Variants in GLI2 observed in about 807,000 individuals in gnomAD.
GLI2 encodes transcription activator GLI2.
A neutral mutation model predicts 78.9 loss-of-function variants in GLI2; 22 were observed. That is an observed-to-expected ratio of 0.28 (90% CI 0.20 to 0.40). GLI2 has a LOEUF of 0.40. GLI2 is among the 10% of genes least tolerant of loss of function. The probability of loss-of-function intolerance (pLI) is 1.00; values close to 1 mark genes in which losing one functional copy is unlikely to be tolerated. For missense variants in GLI2, 2,097 were observed against 2,213.2 expected, an observed-to-expected ratio of 0.95 and a Z score of 1.05; for synonymous variants, 974 against 963.7, an observed-to-expected ratio of 1.01 and a Z score of -0.20.
At chr2:120,853,956 C>CCTTT (rs1247611384) in intron 2 of GLI2, among the ~76,000 whole-genome samples, 1 of 151,854 alleles carries the variant, frequency 6.6e-6, no homozygotes, top group Admixed American at 6.5e-5. Context: ...ACAGGCACTT[C>CCTTT]CTGTCCATGG....
At position 120,989,958 on chromosome 2, in the gene GLI2, G is replaced by C. The variant is rs754251258; in HGVS notation, c.3993G>C (p.Gln1331His). The change falls in exon 14 of 14, where the codon CAG becomes CAC. Residue 1331 changes from glutamine to histidine, a missense_variant. Physicochemically the swap from Gln to His is conservative, Grantham distance 24 (BLOSUM62 0). Transcript: ENST00000361492. ...TCCCCAGCCTTCTGCCTGCCCGCCA[G>C]CCTGGCTTCATGGAGCCCCAAACAG... ...HQVPSLLPAR[Q>H]PGFMEPQTGP... is the part of the protein sequence containing the mutation. 7.4e-6 allele frequency: 12 copies of C among 1,611,142 alleles called. No homozygotes were observed. Among genetic ancestry groups the C allele is most frequent in the African/African-American group, 1.3e-5 (1 of 74,926 alleles).
chr2:120,741,639 C>G (rs1682546673), intron 1 of GLI2, among the ~76,000 whole-genome samples: 1 of 152,074 alleles, frequency 6.6e-6, no homozygotes, highest in Non-Finnish European at 1.5e-5. Flanking sequence ...GCCGTCTGGA[C>G]CTTCCTCTCC....
At chr2:120,976,128 G>A (rs898459611) in intron 9 of GLI2, among the ~76,000 whole-genome samples, 4 of 152,110 alleles carry the variant, frequency 2.6e-5, no homozygotes, top group African/African-American at 9.7e-5. Context: ...CTATAAAGAT[G>A]AACCCACTAA....
chr2:120,969,041 A>G (rs1682008428), intron 6 of GLI2, 126 bp downstream of exon 6: 1 of 716,166 alleles, frequency 1.4e-6, no homozygotes, highest in Non-Finnish European at 2.5e-6. Flanking sequence ...GCATTTGTGA[A>G]TCCACATACT....
chr2:120,887,648 C>T (rs942994331), intron 2 of GLI2, among the ~76,000 whole-genome samples: 7 of 152,326 alleles, frequency 4.6e-5, no homozygotes, highest in Middle Eastern at 3.4e-3. Context: ...TTGTTGGAAG[C>T]GCCCTTCTCC....
chr2:120,948,389 C>A (rs970110505), intron 3 of GLI2, among the ~76,000 whole-genome samples: 2 of 152,126 alleles, frequency 1.3e-5, no homozygotes, highest in African/African-American at 4.8e-5. Flanking sequence ...CCTGGGCTAC[C>A]CCTGGGCTCC....
chr2:120,840,802 G>T (rs951324073), intron 2 of GLI2, among the ~76,000 whole-genome samples: 3 of 152,162 alleles, frequency 2.0e-5, no homozygotes, highest in Admixed American at 6.5e-5. Context: ...GCCTTTGCAC[G>T]TGGGGGTCTC....
At chr2:120,775,237 T>C (rs895593595) in intron 1 of GLI2, among the ~76,000 whole-genome samples, 1 of 152,228 alleles carries the variant, frequency 6.6e-6, no homozygotes, top group Non-Finnish European at 1.5e-5. Context: ...ATTGAAGCTG[T>C]GGCAATTAAA....
Position 120,951,343 on chromosome 2 carries a change from C to T in GLI2, c.355C>T (p.His119Tyr). ...TGGGGAGTCCCCCTTCAACGCCCCC[C>T]ACCCGTACGTGAACCCCCACATGGA... ...GPGESPFNAP[H>Y]PYVNPHMEHY... Residue 119 changes from histidine to tyrosine, a missense_variant, in exon 4 of 14, where the codon CAC becomes TAC. Physicochemically the swap from His to Tyr is moderately conservative, Grantham distance 83. This residue lies in a region of GLI2 where 578 missense variants were observed against 612.0 expected (regional missense o/e 0.94). Transcript: ENST00000361492. 1 of 1,584,736 alleles carries T rather than the reference C, an allele frequency of 6.3e-7. No individual in the cohort carries two copies. The highest frequency in any genetic ancestry group is 8.7e-7 in the Non-Finnish European group (1 of 1,153,268).
At chr2:120,805,342 T>C (rs751240548) in intron 2 of GLI2, among the ~76,000 whole-genome samples, 72 of 152,336 alleles carry the variant, frequency 4.7e-4, no homozygotes, top group Non-Finnish European at 9.0e-4. Flanking sequence ...TTCTGGCTGG[T>C]TCCTATAAGC....
intron 2 of GLI2, among the ~76,000 whole-genome samples, chr2:120,884,481 C>T (rs568405453): frequency 5.9e-5 from 9 of 152,330 alleles, no homozygotes; most frequent in South Asian, 2.1e-4. Flanking sequence ...CATTGCCCAG[C>T]ATTGAGCCGT....
At chr2:120,933,840 A>AGCCAT (rs1680059386) in intron 3 of GLI2, among the ~76,000 whole-genome samples, 1 of 137,790 alleles carries the variant, frequency 7.3e-6, no homozygotes, top group Non-Finnish European at 1.6e-5. Flanking sequence ...GGACCTTTCC[A>AGCCAT]GCCCTGCCCT....
chr2:120,789,845 A>T (rs914507627), intron 1 of GLI2, among the ~76,000 whole-genome samples: 3 of 152,202 alleles, frequency 2.0e-5, no homozygotes, highest in Non-Finnish European at 2.9e-5. Context: ...GAGCTTACTT[A>T]TCCTCTCTGG....
intron 11 of GLI2, among the ~76,000 whole-genome samples, chr2:120,983,815 G>C (rs370176688): frequency 6.6e-6 from 1 of 152,206 alleles, no homozygotes; most frequent in Non-Finnish European, 1.5e-5. Flanking sequence ...TAAGAAGTTA[G>C]AGGAATTTTC....
At chr2:120,949,702 T>G (rs955789708) in intron 3 of GLI2, among the ~76,000 whole-genome samples, 1 of 152,152 alleles carries the variant, frequency 6.6e-6, no homozygotes, top group East Asian at 1.9e-4. Context: ...GGGATCTACA[T>G]GAGCAGGGCA....
chr2:120,747,313 C>T (rs1682723469), intron 1 of GLI2, among the ~76,000 whole-genome samples: 1 of 152,206 alleles, frequency 6.6e-6, no homozygotes, highest in Non-Finnish European at 1.5e-5. Context: ...ACACAAGCCA[C>T]TTGCAAAATA....
chr2:120,962,009 G>A (rs1230474929), intron 5 of GLI2, among the ~76,000 whole-genome samples: 1 of 152,088 alleles, frequency 6.6e-6, no homozygotes, highest in East Asian at 1.9e-4. Context: ...CCAGGCTCCT[G>A]GGCACACAGG....
At chr2:120,765,417 G>A (rs1683337360) in intron 1 of GLI2, among the ~76,000 whole-genome samples, 2 of 152,250 alleles carry the variant, frequency 1.3e-5, no homozygotes, top group Non-Finnish European at 2.9e-5. Context: ...TGGCTAAAGA[G>A]CGATCAACCC....
At position 120,737,505 on chromosome 2, in the gene GLI2, C is replaced by T. The variant is rs1316259772; in HGVS notation, c.-31+1220C>T. Among the ~76,000 whole-genome samples the T allele has an allele frequency of 6.6e-6, 1 of 152,138 alleles. No homozygotes were observed. The highest frequency in any genetic ancestry group is 2.4e-5 in the African/African-American group (1 of 41,412). On this transcript the variant is annotated intron_variant, in intron 1 of 13. Transcript: ENST00000361492. The surrounding 1 kb of genome is among the most constrained non-coding windows in gnomAD (Gnocchi z 4.3). ...TCCCAGCTGGAAAAGTAGACCTGTC[C>T]CTACTGTCTGGTCCCGCGCCCTGGG...
Sources: allele counts gnomAD v4.1 joint callset (sites outside exome capture counted in the v4.1 genomes callset), GRCh38; gene constraint gnomAD v4.1.1; regional missense constraint gnomAD v4.1.1; non-coding constraint Gnocchi (gnomAD v3.1); transcripts MANE v1.5; gene names NCBI Gene and HGNC (gene_info 2026-07-23, HGNC 2026-07-21).